The following NCR1 variants were observed in gnomAD, a reference collection of about 807,000 sequenced individuals.
The protein encoded by NCR1 is natural cytotoxicity triggering receptor 1.
In NCR1, 30 loss-of-function variants were observed where a neutral mutation model predicts 32.5. The observed-to-expected ratio is 0.92, with a 90% CI of 0.69 to 1.25. The LOEUF (loss-of-function observed/expected upper bound fraction) is 1.25. Among genes scored for constraint, NCR1 ranks in the 50% most tolerant of loss-of-function variants. The pLI is 0.00. For missense variants in NCR1, 369 were observed against 380.7 expected (o/e 0.97, Z 0.26); for synonymous variants, 169 against 143.4 (o/e 1.18, Z -1.28).
At chr19:54,908,284 T>G (rs1217725664) in intron 3 of NCR1, among the ~76,000 whole-genome samples, 3 of 152,166 alleles carry the variant, frequency 2.0e-5, no homozygotes, top group Non-Finnish European at 4.4e-5. Flanking sequence ...AGCACATGTT[T>G]CAGAGAGCAC....
At chr19:54,930,410 C>A in the NCR1 span, 6 of 892,122 alleles carry the variant, frequency 6.7e-6, no homozygotes, top group Non-Finnish European at 9.1e-6. Context: ...CGCAGTGAGC[C>A]GTAATCACCC....
At chr19:54,922,146 G>A in the NCR1 span, among the ~76,000 whole-genome samples, 1 of 152,000 alleles carries the variant, frequency 6.6e-6, no homozygotes, top group Non-Finnish European at 1.5e-5. Flanking sequence ...GCCCGCCTCG[G>A]CCTCCCAAAG....
chr19:54,907,791 A>G (rs989251057), intron 3 of NCR1, among the ~76,000 whole-genome samples: 2 of 152,268 alleles, frequency 1.3e-5, no homozygotes, highest in Non-Finnish European at 2.9e-5. Context: ...TGAAATGTCT[A>G]TTTAAATCTT....
intron 4 of NCR1, 66 bp downstream of exon 4, chr19:54,909,589 C>T: frequency 1.3e-6 from 2 of 1,536,980 alleles, no homozygotes; most frequent in Non-Finnish European, 1.8e-6. Flanking sequence ...TGAGGGATCC[C>T]CAGAGAGTGA....
upstream of NCR1, among the ~76,000 whole-genome samples, chr19:54,903,399 T>TACGCGCATAC: frequency 7.2e-6 from 1 of 139,730 alleles, no homozygotes; most frequent in African/African-American, 2.7e-5. Flanking sequence ...CATATATGTA[T>TACGCGCATAC]ATGTATGTAT....
the NCR1 span, among the ~76,000 whole-genome samples, chr19:54,934,315 G>A: frequency 6.6e-6 from 1 of 152,102 alleles, no homozygotes; most frequent in South Asian, 2.1e-4. The surrounding 1 kb of genome is among the most constrained non-coding windows in gnomAD (Gnocchi z 6.7). Flanking sequence ...GAACTCAGAT[G>A]ATCCGCCCAC....
chr19:54,910,752 T>C (rs1032146388), intron 5 of NCR1, among the ~76,000 whole-genome samples: 6 of 151,994 alleles, frequency 3.9e-5, no homozygotes, highest in Non-Finnish European at 7.4e-5. Context: ...AATGATGCTA[T>C]GGAAGGAAAA....
chr19:54,902,748 C>A (rs780696954), upstream of NCR1, among the ~76,000 whole-genome samples: 2 of 152,024 alleles, frequency 1.3e-5, no homozygotes, highest in Non-Finnish European at 2.9e-5. Context: ...CCAAGCGCTC[C>A]GTAGGGGGAA....
intron 3 of NCR1, among the ~76,000 whole-genome samples, chr19:54,908,367 G>A (rs1458733449): frequency 6.6e-6 from 1 of 152,172 alleles, no homozygotes; most frequent in African/African-American, 2.4e-5. Context: ...GAACAAAATG[G>A]AGTCTCCTAT....
chr19:54,916,732 C>G (rs1285112803), downstream of NCR1, among the ~76,000 whole-genome samples: 2 of 74,302 alleles, frequency 2.7e-5, no homozygotes, highest in Non-Finnish European at 4.7e-5. Flanking sequence ...TTTTTTGAGT[C>G]TCGCTCTGCA....
upstream of NCR1, among the ~76,000 whole-genome samples, chr19:54,903,430 ACACG>A (rs2067356552): frequency 7.6e-6 from 1 of 131,994 alleles, no homozygotes; most frequent in African/African-American, 2.8e-5. Flanking sequence ...ATGTATGTAT[ACACG>A]CATACATGTA....
the NCR1 span, chr19:54,934,568 C>T: frequency 4.3e-6 from 7 of 1,613,940 alleles, no homozygotes; most frequent in Non-Finnish European, 5.1e-6. The surrounding 1 kb of genome is among the most constrained non-coding windows in gnomAD (Gnocchi z 6.7). Flanking sequence ...AGCACATTGG[C>T]TGAGAGACGC....
chr19:54,937,255 A>G, the NCR1 span, among the ~76,000 whole-genome samples: 1 of 151,976 alleles, frequency 6.6e-6, no homozygotes, highest in South Asian at 2.1e-4. Context: ...GGATCAGGAA[A>G]AACAACTAAG....
At chr19:54,912,136 C>T (rs1341600750) in intron 5 of NCR1, 32 bp from the exon 6 acceptor site, 1 of 1,605,270 alleles carries the variant, frequency 6.2e-7, no homozygotes, top group Non-Finnish European at 8.5e-7. Flanking sequence ...AGGTCAAAAC[C>T]ATCCTCTTTT....
intron 4 of NCR1, 90 bp from the exon 5 acceptor site, chr19:54,909,928 C>G: frequency 1.0e-6 from 1 of 980,444 alleles, no homozygotes; most frequent in Non-Finnish European, 1.5e-6. Context: ...GAGCAAGACT[C>G]CATCTCAAAA....
At chr19:54,908,902 C>T (rs774171976) in intron 3 of NCR1, among the ~76,000 whole-genome samples, 45 of 151,618 alleles carry the variant, frequency 3.0e-4, no homozygotes, top group Non-Finnish European at 4.0e-4. Flanking sequence ...AGTGCCACGG[C>T]GCTCCAGCCT....
At chr19:54,909,589 C>A in intron 4 of NCR1, 66 bp downstream of exon 4, 1 of 1,536,974 alleles carries the variant, frequency 6.5e-7, no homozygotes, top group African/African-American at 1.4e-5. Context: ...TGAGGGATCC[C>A]CAGAGAGTGA....
the NCR1 span, chr19:54,934,715 G>T: frequency 7.1e-7 from 1 of 1,409,248 alleles, no homozygotes; most frequent in Non-Finnish European, 9.6e-7. This position sits in a 1 kb window ranked among gnomAD's most constrained non-coding sequence, Gnocchi z 6.7. Flanking sequence ...TACCCTATCA[G>T]CTTTTTTTTT....
chr19:54,927,555 CAAA>C, the NCR1 span: 7 of 1,545,138 alleles, frequency 4.5e-6, no homozygotes, highest in Admixed American at 1.8e-5. Context: ...GACTCCATCT[CAAA>C]AAAACAAAAA....
Sources: allele counts gnomAD v4.1 joint callset (sites outside exome capture counted in the v4.1 genomes callset), GRCh38; gene constraint gnomAD v4.1.1; non-coding constraint Gnocchi (gnomAD v3.1); transcripts MANE v1.5; gene names NCBI Gene and HGNC (gene_info 2026-07-23, HGNC 2026-07-21).